Variants in LRRC37A2 observed in about 807,000 individuals in gnomAD.
LRRC37A2 encodes the protein leucine-rich repeat-containing protein 37A2.
Under a neutral mutation model 68.8 loss-of-function variants are expected in LRRC37A2, and 9 were observed. The ratio of observed to expected loss-of-function variants is 0.13; its 90% CI spans 0.08 to 0.23. LRRC37A2 has a LOEUF of 0.23. Among genes scored for constraint, LRRC37A2 ranks in the 10% least tolerant of loss-of-function variants. The probability of loss-of-function intolerance (pLI) is 1.00; values close to 1 mark genes in which losing one functional copy is unlikely to be tolerated. For missense variants in LRRC37A2, 168 were observed against 950.4 expected (o/e 0.18, Z 10.82); for synonymous variants, 63 against 367.6 (o/e 0.17, Z 9.48).
chr17:47,000,992 C>T, the LRRC37A2 span, among the ~76,000 whole-genome samples: 2 of 152,172 alleles, frequency 1.3e-5, no homozygotes, highest in South Asian at 2.1e-4. Flanking sequence ...AAAAATTAGC[C>T]GGGCGGGGTG....
chr17:46,945,250 C>T, the LRRC37A2 span, among the ~76,000 whole-genome samples: 2 of 152,190 alleles, frequency 1.3e-5, no homozygotes, highest in African/African-American at 2.4e-5. Flanking sequence ...ACATCCTCCA[C>T]GCACTGTCCT....
chr17:47,048,046 A>T, the LRRC37A2 span, among the ~76,000 whole-genome samples: 1 of 87,046 alleles, frequency 1.1e-5, no homozygotes, highest in Non-Finnish European at 2.4e-5. Context: ...ATTTTTCAAA[A>T]CTTTTTTTTT....
At chr17:46,999,551 T>C in the LRRC37A2 span, among the ~76,000 whole-genome samples, 1 of 152,172 alleles carries the variant, frequency 6.6e-6, no homozygotes, top group Middle Eastern at 3.4e-3. Flanking sequence ...GGTCTTGCCA[T>C]ATTGCCCAGG....
the LRRC37A2 span, among the ~76,000 whole-genome samples, chr17:47,011,573 T>G: frequency 4.0e-5 from 6 of 150,784 alleles, 1 homozygote; most frequent in Non-Finnish European, 7.4e-5. Context: ...AAAAGTTGTT[T>G]TTTTTTTTTT....
chr17:46,977,556 C>A, the LRRC37A2 span, among the ~76,000 whole-genome samples: 1 of 152,242 alleles, frequency 6.6e-6, no homozygotes, highest in Non-Finnish European at 1.5e-5. Flanking sequence ...TTCTGGGCAG[C>A]TGGGGCATCC....
chr17:46,983,408 C>T, the LRRC37A2 span, among the ~76,000 whole-genome samples: 1 of 150,992 alleles, frequency 6.6e-6, no homozygotes. Flanking sequence ...GTGAGGCCTG[C>T]CTCAGCCTCC....
At chr17:46,708,561 G>A in the LRRC37A2 span, among the ~76,000 whole-genome samples, 4 of 141,734 alleles carry the variant, frequency 2.8e-5, no homozygotes, top group East Asian at 2.0e-4. Context: ...GCACAATCTC[G>A]GCTCACTGCA....
the LRRC37A2 span, among the ~76,000 whole-genome samples, chr17:46,733,041 CCT>C: frequency 1.3e-5 from 2 of 152,166 alleles, no homozygotes; most frequent in Non-Finnish European, 2.9e-5. Context: ...GTTCACCCTC[CCT>C]GAGCTGGACG....
the LRRC37A2 span, among the ~76,000 whole-genome samples, chr17:46,417,039 G>A: frequency 2.7e-5 from 4 of 150,002 alleles, no homozygotes; most frequent in Admixed American, 1.3e-4. Flanking sequence ...TGGAGGTTGC[G>A]GTGAGTTGAG....
At chr17:46,923,276 C>G in the LRRC37A2 span, 3 of 1,550,286 alleles carry the variant, frequency 1.9e-6, no homozygotes, top group South Asian at 2.4e-5. Context: ...CCAGGTGAGC[C>G]TGGCTTCTGG....
chr17:46,893,132 C>T, the LRRC37A2 span, among the ~76,000 whole-genome samples: 1 of 152,090 alleles, frequency 6.6e-6, no homozygotes, highest in Non-Finnish European at 1.5e-5. Context: ...TGGGTTTTCA[C>T]CATGTTGGCG....
the LRRC37A2 span, among the ~76,000 whole-genome samples, chr17:46,974,782 G>A: frequency 6.7e-6 from 1 of 150,264 alleles, no homozygotes; most frequent in Non-Finnish European, 1.5e-5. Context: ...TTGAATCCCA[G>A]CTCTGCCCCT....
the LRRC37A2 span, among the ~76,000 whole-genome samples, chr17:46,497,596 ATGTG>A: frequency 2.7e-5 from 4 of 150,328 alleles, no homozygotes; most frequent in East Asian, 1.9e-4. Context: ...AATTGTATAT[ATGTG>A]TGTGTGTATG....
the LRRC37A2 span, chr17:46,939,764 A>G: frequency 1.3e-4 from 124 of 987,338 alleles, no homozygotes; most frequent in Non-Finnish European, 1.4e-4. Context: ...GTTTTCAGGG[A>G]CTACAACCTT....
chr17:46,756,275 T>C, the LRRC37A2 span: 2 of 154,880 alleles, frequency 1.3e-5, no homozygotes, highest in Non-Finnish European at 2.9e-5. Context: ...AGAGATCCTC[T>C]GACAGCTGTC....
At chr17:46,949,604 G>A in the LRRC37A2 span, among the ~76,000 whole-genome samples, 3 of 152,300 alleles carry the variant, frequency 2.0e-5, no homozygotes, top group East Asian at 1.9e-4. Flanking sequence ...TGATGCTCAC[G>A]TCTAGCTGGG....
the LRRC37A2 span, among the ~76,000 whole-genome samples, chr17:46,870,682 T>G: frequency 6.6e-6 from 1 of 152,300 alleles, no homozygotes; most frequent in Admixed American, 6.5e-5. Context: ...GGCTTCCAAC[T>G]TCTGGGGCAT....
chr17:46,457,974 T>C, the LRRC37A2 span, among the ~76,000 whole-genome samples: 2 of 51,394 alleles, frequency 3.9e-5, no homozygotes, highest in Admixed American at 2.9e-4. Flanking sequence ...TTCTATTGGT[T>C]CTGTTTGTCT....
the LRRC37A2 span, among the ~76,000 whole-genome samples, chr17:46,712,660 CTG>C: frequency 6.6e-6 from 1 of 152,132 alleles, no homozygotes; most frequent in African/African-American, 2.4e-5. Context: ...AGTATATAGA[CTG>C]TGGTTGAAGC....
Sources: gnomAD v4.1 joint callset for allele counts (sites outside exome capture counted in the v4.1 genomes callset) on GRCh38, gnomAD v4.1.1 for gene constraint, MANE v1.5 for transcripts, NCBI Gene and HGNC (gene_info 2026-07-23, HGNC 2026-07-21) for gene names.